The following ROBO1 variants were observed in gnomAD, a reference collection of about 807,000 sequenced individuals.
ROBO1 encodes the protein roundabout homolog 1.
A neutral mutation model predicts 195.9 loss-of-function variants in ROBO1; 149 were observed. The observed-to-expected ratio is 0.76, with a 90% confidence interval of 0.67 to 0.87. The LOEUF (loss-of-function observed/expected upper bound fraction) is 0.87, where lower values mean the gene tolerates loss of function less well. Ranked by LOEUF, ROBO1 falls within the 40% of genes least tolerant of loss-of-function variation. ROBO1 has a pLI of 0.00. For synonymous variants in ROBO1, 816 were observed against 733.2 expected (o/e 1.11, Z -1.82); for missense variants, 1,933 against 2,068.3 (o/e 0.93, Z 1.27).
chr3:79,757,039 CATT>C (rs1704445572), intron 1 of ROBO1, among the ~76,000 whole-genome samples: 3 of 151,916 alleles, frequency 2.0e-5, no homozygotes, highest in South Asian at 2.1e-4. Context: ...CATAATAGAT[CATT>C]GTTTGTTTAT....
chr3:78,672,474 C>T (rs1708120454), intron 10 of ROBO1, among the ~76,000 whole-genome samples: 1 of 151,572 alleles, frequency 6.6e-6, no homozygotes. Flanking sequence ...CACCTGTAGT[C>T]CCAGCAACTT....
intron 4 of ROBO1, among the ~76,000 whole-genome samples, chr3:78,901,145 T>C (rs2037558387): frequency 6.6e-6 from 1 of 152,234 alleles, no homozygotes; most frequent in Non-Finnish European, 1.5e-5. Flanking sequence ...TCATGCTGAC[T>C]TGAAGTAACT....
At chr3:78,787,429 T>C (rs985768719) in intron 4 of ROBO1, among the ~76,000 whole-genome samples, 5 of 152,220 alleles carry the variant, frequency 3.3e-5, no homozygotes, top group Admixed American at 6.5e-5. Flanking sequence ...TATTATCCCA[T>C]ACTAACTGTT....
At chr3:79,625,252 G>C (rs1276295542) in intron 1 of ROBO1, among the ~76,000 whole-genome samples, 1 of 151,374 alleles carries the variant, frequency 6.6e-6, no homozygotes, top group Non-Finnish European at 1.5e-5. Context: ...AAGCTAGAAA[G>C]ATCTCAAATC....
chr3:78,936,749 G>A (rs547266607), intron 4 of ROBO1, among the ~76,000 whole-genome samples: 54 of 152,150 alleles, frequency 3.5e-4, no homozygotes, highest in Middle Eastern at 3.4e-3. Flanking sequence ...ATATACAGCA[G>A]TCCTGTAACC....
At chr3:79,109,852 C>T (rs1353018288) in intron 3 of ROBO1, among the ~76,000 whole-genome samples, 1 of 151,902 alleles carries the variant, frequency 6.6e-6, no homozygotes, top group Non-Finnish European at 1.5e-5. Flanking sequence ...ATCATTTATA[C>T]TGAAATTCAT....
At chr3:79,177,106 A>G (rs529488002) in intron 2 of ROBO1, among the ~76,000 whole-genome samples, 3 of 152,156 alleles carry the variant, frequency 2.0e-5, no homozygotes, top group Admixed American at 1.3e-4. Context: ...AAATTTCAGT[A>G]CTTTTTTTAA....
At chr3:79,072,815 C>CA (rs1209092177) in intron 3 of ROBO1, among the ~76,000 whole-genome samples, 1 of 151,696 alleles carries the variant, frequency 6.6e-6, no homozygotes, top group Admixed American at 6.6e-5. Context: ...TTTTCTCTCC[C>CA]AAAAAACAGA....
chr3:79,112,361 T>C (rs564960124), intron 3 of ROBO1, among the ~76,000 whole-genome samples: 20 of 152,258 alleles, frequency 1.3e-4, no homozygotes, highest in African/African-American at 4.8e-4. Context: ...GTTTGTTCTT[T>C]GTTGGCTAGG....
rs558746893 is a variant in ROBO1 at position 78,774,607 on chromosome 3, A to T, written c.500-27707T>A. Among the ~76,000 whole-genome samples, 37 of 52,814 alleles carry T rather than the reference A, an allele frequency of 7.0e-4. No homozygotes were observed. In the East Asian group the frequency reaches 0.011, roughly 15 times the overall value. The allele number at this position is 52,814 out of a possible 152,430, so 34.6% of individuals were successfully genotyped here. On this transcript the variant is annotated intron_variant, in intron 4 of 30. Coordinates refer to ENST00000464233, the MANE Select transcript of ROBO1 (RefSeq NM_002941.4). ...TTACAGGTGCTAAAATGTTTTTAATAAAAAAAAAAAAATCTACCACTTGAA... is the reference window on the plus strand; with the variant it reads ...TTACAGGTGCTAAAATGTTTTTAATTAAAAAAAAAAAATCTACCACTTGAA...
rs201121251 is a variant in ROBO1, at chr3:78,631,227, G to A, written c.3560C>T (p.Pro1187Leu). ...QGGMNWADLLPPPPAHPPPHS... is the reference protein window; with the variant it reads ...QGGMNWADLLLPPPAHPPPHS... Reference sequence around the variant, plus strand: ...TGGAGGAGGATGTGCTGGGGGAGGAGGAAGCAGGTCTGCCCAGTTCATGCC... The same window carrying A: ...TGGAGGAGGATGTGCTGGGGGAGGAAGAAGCAGGTCTGCCCAGTTCATGCC... The change falls in exon 25 of 31, where the codon CCT becomes CTT. Residue 1187 changes from proline to leucine, a missense_variant. This residue lies in a region of ROBO1 where 1,737 missense variants were observed against 1,882.5 expected (regional missense o/e 0.92). Coordinates refer to ENST00000464233, the MANE Select transcript of ROBO1 (RefSeq NM_002941.4). The A allele has an allele frequency of 3.2e-4, 513 of 1,613,394 alleles. 2 individuals are homozygous for A. Among genetic ancestry groups the A allele is most frequent in the Admixed American group, 3.8e-4 (23 of 59,946 alleles).
At chr3:79,286,467 C>T (rs2031895141) in intron 2 of ROBO1, among the ~76,000 whole-genome samples, 3 of 152,120 alleles carry the variant, frequency 2.0e-5, no homozygotes. Context: ...AATGTTCCCA[C>T]TATATTAAAT....
At chr3:79,692,597 A>G (rs1947328180) in intron 1 of ROBO1, among the ~76,000 whole-genome samples, 2 of 151,800 alleles carry the variant, frequency 1.3e-5, no homozygotes, top group Non-Finnish European at 2.9e-5. Context: ...GATCTCACGG[A>G]TAGTGGGTTC....
intron 4 of ROBO1, among the ~76,000 whole-genome samples, chr3:78,752,593 A>C (rs577163203): frequency 6.6e-6 from 1 of 152,144 alleles, no homozygotes; most frequent in African/African-American, 2.4e-5. Flanking sequence ...TGTGTGAAAA[A>C]TTTCTTAATA....
intron 3 of ROBO1, among the ~76,000 whole-genome samples, chr3:78,960,787 C>CACACACACACACACAA (rs2041296863): frequency 1.4e-5 from 1 of 71,676 alleles, no homozygotes; most frequent in South Asian, 3.9e-4. Context: ...AAAACACACA[C>CACACACACACACACAA]ACACACACAC....
intron 29 of ROBO1, among the ~76,000 whole-genome samples, chr3:78,600,581 AT>A (rs1002265794): frequency 6.6e-6 from 1 of 152,178 alleles, no homozygotes; most frequent in African/African-American, 2.4e-5. Context: ...GACCAATATC[AT>A]TAAAAGAGGT....
intron 2 of ROBO1, among the ~76,000 whole-genome samples, chr3:79,403,672 G>A (rs550568751): frequency 4.1e-4 from 63 of 152,074 alleles, no homozygotes; most frequent in African/African-American, 1.4e-3. Context: ...ATCAAAGTCA[G>A]TTGGAAAATA....
intron 2 of ROBO1, among the ~76,000 whole-genome samples, chr3:79,381,674 G>A (rs2036580331): frequency 6.6e-6 from 1 of 151,914 alleles, no homozygotes; most frequent in East Asian, 1.9e-4. Flanking sequence ...ATTATGGTCA[G>A]GGTCCAATAA....
intron 8 of ROBO1, among the ~76,000 whole-genome samples, chr3:78,711,297 C>CCCTTTCTTTCTTTCTCTT (rs1559772272): frequency 7.1e-6 from 1 of 140,762 alleles, no homozygotes; most frequent in African/African-American, 3.1e-5. Flanking sequence ...TTCTTTCTTT[C>CCCTTTCTTTCTTTCTCTT]TCTTTCTTTC....
Sources: gnomAD v4.1 joint callset for allele counts (sites outside exome capture counted in the v4.1 genomes callset) on GRCh38, gnomAD v4.1.1 for gene constraint, gnomAD v4.1.1 regional missense constraint, MANE v1.5 for transcripts, NCBI Gene and HGNC (gene_info 2026-07-23, HGNC 2026-07-21) for gene names.